The following MIR2052HG variants were observed in gnomAD, a reference collection of about 807,000 sequenced individuals.
MIR2052HG encodes the protein MIR2052 host gene.
At chr8:74,644,010 A>G (rs1808666487) in intron 2 of MIR2052HG, among the ~76,000 whole-genome samples, 1 of 152,192 alleles carries the variant, frequency 6.6e-6, no homozygotes, top group Admixed American at 6.5e-5. Context: ...ACATCCCCTG[A>G]GATGTAATTC....
chr8:74,742,721 C>T (rs1206017867), intron 4 of MIR2052HG, among the ~76,000 whole-genome samples: 2 of 152,100 alleles, frequency 1.3e-5, no homozygotes. Flanking sequence ...CTCCTTCCTC[C>T]CCAAACTCTA....
At chr8:74,749,411 A>C (rs573690020) in intron 4 of MIR2052HG, among the ~76,000 whole-genome samples, 1 of 152,112 alleles carries the variant, frequency 6.6e-6, no homozygotes, top group South Asian at 2.1e-4. Context: ...AAAAAAAAAA[A>C]CAAAACTTGT....
intron 2 of MIR2052HG, among the ~76,000 whole-genome samples, chr8:74,672,704 T>C (rs1809005941): frequency 1.3e-5 from 2 of 152,110 alleles, no homozygotes; most frequent in South Asian, 4.1e-4. Context: ...GAAGGTCCTT[T>C]TAGACACAAT....
At chr8:74,609,510 C>T (rs1046213421) in intron 1 of MIR2052HG, among the ~76,000 whole-genome samples, 2 of 151,636 alleles carry the variant, frequency 1.3e-5, no homozygotes, top group African/African-American at 2.4e-5. Flanking sequence ...AATTGCATGC[C>T]AATATTCCTC....
intron 1 of MIR2052HG, chr8:74,603,507 G>C: frequency 6.4e-7 from 1 of 1,563,972 alleles, no homozygotes; most frequent in Non-Finnish European, 8.8e-7. Flanking sequence ...CGTTTGGAAT[G>C]GTAAGTTCAT....
At chr8:74,624,858 G>A (rs190761845) in intron 2 of MIR2052HG, among the ~76,000 whole-genome samples, 8 of 152,284 alleles carry the variant, frequency 5.3e-5, no homozygotes, top group African/African-American at 1.9e-4. Context: ...AACCAGAAAT[G>A]CAAAGGAAGG....
At chr8:74,607,387 G>A (rs1808127559) in intron 1 of MIR2052HG, among the ~76,000 whole-genome samples, 2 of 152,158 alleles carry the variant, frequency 1.3e-5, no homozygotes, top group South Asian at 4.1e-4. Context: ...CGAGGTGGGT[G>A]GATCACCTGA....
intron 2 of MIR2052HG, among the ~76,000 whole-genome samples, chr8:74,630,088 A>G (rs1424318406): frequency 2.0e-5 from 3 of 152,248 alleles, no homozygotes; most frequent in African/African-American, 7.2e-5. Flanking sequence ...TTTATGTCAT[A>G]GTGGAAGTTC....
At chr8:74,698,197 A>C (rs925859249) in intron 2 of MIR2052HG, among the ~76,000 whole-genome samples, 5 of 152,184 alleles carry the variant, frequency 3.3e-5, no homozygotes, top group Non-Finnish European at 5.9e-5. Flanking sequence ...ACCAGAAATA[A>C]AGCCAGATAC....
chr8:74,612,277 CCA>C (rs1808209054), intron 1 of MIR2052HG, among the ~76,000 whole-genome samples: 2 of 152,136 alleles, frequency 1.3e-5, no homozygotes. Context: ...TTGGGTTGGT[CCA>C]CTTCCATTCA....
chr8:74,611,081 A>G (rs965605971), intron 1 of MIR2052HG, among the ~76,000 whole-genome samples: 27 of 152,214 alleles, frequency 1.8e-4, no homozygotes, highest in African/African-American at 5.5e-4. Flanking sequence ...CAAATCATAT[A>G]TCTGATAAAG....
At chr8:74,647,325 G>C (rs1314926864) in intron 2 of MIR2052HG, among the ~76,000 whole-genome samples, 2 of 152,190 alleles carry the variant, frequency 1.3e-5, no homozygotes, top group Non-Finnish European at 2.9e-5. Context: ...TCAGTCTCCA[G>C]TTGCTTTAAC....
chr8:74,747,694 A>G (rs1333565110), intron 4 of MIR2052HG, among the ~76,000 whole-genome samples: 1 of 152,174 alleles, frequency 6.6e-6, no homozygotes, highest in Admixed American at 6.5e-5. Context: ...ACATCTACCT[A>G]AAGTATGTTT....
At chr8:74,741,554 A>T (rs947812995) in intron 4 of MIR2052HG, among the ~76,000 whole-genome samples, 3 of 152,132 alleles carry the variant, frequency 2.0e-5, no homozygotes, top group Admixed American at 2.0e-4. Context: ...CTGATTTTAT[A>T]CCTTTATAAG....
At chr8:74,677,338 T>C (rs1809063444) in intron 2 of MIR2052HG, among the ~76,000 whole-genome samples, 1 of 151,998 alleles carries the variant, frequency 6.6e-6, no homozygotes, top group Non-Finnish European at 1.5e-5. Flanking sequence ...CTTAAATAAA[T>C]AGATATGCAT....
At chr8:74,707,587 T>A (rs1019390190) in intron 4 of MIR2052HG, among the ~76,000 whole-genome samples, 1 of 152,088 alleles carries the variant, frequency 6.6e-6, no homozygotes, top group Non-Finnish European at 1.5e-5. Context: ...ACTTTTTTTT[T>A]AACTGCAACT....
chr8:74,653,496 T>A (rs914397182), intron 2 of MIR2052HG, among the ~76,000 whole-genome samples: 1 of 152,210 alleles, frequency 6.6e-6, no homozygotes, highest in African/African-American at 2.4e-5. Context: ...TTTATTAGTG[T>A]CATGCTAATC....
rs16938936 is a variant in MIR2052HG, at chr8:74,692,493, T to C, written n.217-9886T>C. On this transcript the variant is annotated intron_variant and non_coding_transcript_variant, in intron 2 of 6. Transcript: ENST00000523442. ...GGAGGTAGAAAGTGAAAAAGGACTT[T>C]TGGGCGTGATGACGTAACTTCTGTA... 1.3e-3 allele frequency among the ~76,000 whole-genome samples: 197 copies of C among 152,336 alleles called. 3 individuals are homozygous for C. The East Asian group carries it at 0.034, about 26-fold the overall frequency.
At chr8:74,623,716 A>G (rs950959540) in intron 2 of MIR2052HG, among the ~76,000 whole-genome samples, 2 of 152,190 alleles carry the variant, frequency 1.3e-5, no homozygotes, top group East Asian at 1.9e-4. Context: ...GTGTGTATTC[A>G]GTATGACAAA....
Sources: gnomAD v4.1 joint callset for allele counts (sites outside exome capture counted in the v4.1 genomes callset) on GRCh38, gnomAD v4.1.1 for gene constraint, MANE v1.5 for transcripts, NCBI Gene and HGNC (gene_info 2026-07-23, HGNC 2026-07-21) for gene names.